Variants in SMG7 observed in about 807,000 individuals in gnomAD.
SMG7 encodes the protein nonsense-mediated mRNA decay factor SMG7.
A neutral mutation model predicts 148.2 loss-of-function variants in SMG7; 34 were observed. The ratio of observed to expected loss-of-function variants is 0.23; its 90% confidence interval spans 0.17 to 0.31. The LOEUF is 0.31. SMG7 is among the 10% of genes least tolerant of loss of function. The pLI is 1.00. For missense variants in SMG7, 1,114 were observed against 1,408.4 expected (o/e 0.79, Z 3.35); for synonymous variants, 492 against 515.1 (o/e 0.96, Z 0.61).
chr1:183,496,985 C>A (rs898533105), intron 1 of SMG7, among the ~76,000 whole-genome samples: 1 of 152,160 alleles, frequency 6.6e-6, no homozygotes, highest in African/African-American at 2.4e-5. Context: ...AGACTTGTTA[C>A]TCTTAACACT....
chr1:183,488,089 T>C (rs1444565588), intron 1 of SMG7, among the ~76,000 whole-genome samples: 1 of 152,206 alleles, frequency 6.6e-6, no homozygotes, highest in Non-Finnish European at 1.5e-5. Flanking sequence ...TCTCTGAGAC[T>C]CTGATAGGAA....
intron 1 of SMG7, among the ~76,000 whole-genome samples, chr1:183,480,764 C>T (rs1191634824): frequency 1.3e-5 from 2 of 152,138 alleles, no homozygotes; most frequent in African/African-American, 2.4e-5. Context: ...TTTCATGATT[C>T]TAATTACATT....
At chr1:183,550,400 T>TA (rs1670795239) in intron 20 of SMG7, among the ~76,000 whole-genome samples, 1 of 152,240 alleles carries the variant, frequency 6.6e-6, no homozygotes, top group African/African-American at 2.4e-5. Flanking sequence ...ATTTTTAACT[T>TA]AGAGTCTGAC....
chr1:183,548,558 A>G (rs1007510473), intron 18 of SMG7, among the ~76,000 whole-genome samples: 3 of 152,054 alleles, frequency 2.0e-5, no homozygotes, highest in African/African-American at 4.8e-5. Flanking sequence ...AACCCTTCCA[A>G]TATTTAACAT....
At chr1:183,543,025 G>T (rs192408483) in intron 14 of SMG7, among the ~76,000 whole-genome samples, 1 of 149,768 alleles carries the variant, frequency 6.7e-6, no homozygotes, top group Admixed American at 6.7e-5. Context: ...TACTTGTCCC[G>T]GCTATTGGTA....
intron 14 of SMG7, among the ~76,000 whole-genome samples, chr1:183,542,952 T>C (rs1333485261): frequency 3.3e-4 from 50 of 150,656 alleles, no homozygotes; most frequent in Admixed American, 5.3e-4. Context: ...TGTGTGTGTG[T>C]GTGTGTGTGT....
intron 1 of SMG7, among the ~76,000 whole-genome samples, chr1:183,495,429 G>A (rs1220731964): frequency 6.6e-6 from 1 of 152,154 alleles, no homozygotes; most frequent in Non-Finnish European, 1.5e-5. Flanking sequence ...TTTACATTAT[G>A]TTGAGGAGGA....
At chr1:183,494,483 G>A (rs1571828786) in intron 1 of SMG7, among the ~76,000 whole-genome samples, 1 of 148,622 alleles carries the variant, frequency 6.7e-6, no homozygotes, top group Non-Finnish European at 1.5e-5. Context: ...TCATCTCTTT[G>A]TTTAGTTCAA....
intron 14 of SMG7, 72 bp from the exon 15 acceptor site, chr1:183,544,281 G>C: frequency 8.3e-7 from 1 of 1,203,728 alleles, no homozygotes; most frequent in Non-Finnish European, 1.2e-6. Context: ...TACTTTCTTA[G>C]GAGTAGGGTC....
At chr1:183,475,833 G>C (rs1170593276) in intron 1 of SMG7, among the ~76,000 whole-genome samples, 2 of 152,212 alleles carry the variant, frequency 1.3e-5, no homozygotes, top group Non-Finnish European at 2.9e-5. Context: ...CCTTAGATGT[G>C]GAATCAATGA....
At chr1:183,544,829 G>A in intron 15 of SMG7, 101 bp from the exon 16 acceptor site, 1 of 1,181,238 alleles carries the variant, frequency 8.5e-7, no homozygotes. Flanking sequence ...TTTGTGATGT[G>A]TTAGAAGACT....
At chr1:183,506,875 C>CTTTTT (rs71130622) in intron 1 of SMG7, among the ~76,000 whole-genome samples, 8 of 111,804 alleles carry the variant, frequency 7.2e-5, no homozygotes, top group East Asian at 2.6e-4. Flanking sequence ...ACTATATATT[C>CTTTTT]TTTTTTTTTT....
In SMG7 at chr1:183,550,743, T is replaced by C. The variant is rs200165396; in HGVS notation, c.3134-8T>C. The stretch of plus-strand genomic sequence containing the variant: ...TTTACTATATCCTGTGTTGCTATTA[T>C]TTAATAGATCATTCAACACCAGCCA... On this transcript the variant is annotated splice_region_variant and splice_polypyrimidine_tract_variant and intron_variant, in intron 20 of 22. Transcript: ENST00000688051. The C allele has an allele frequency of 5.4e-4, 869 of 1,613,714 alleles. No homozygotes were observed. Among genetic ancestry groups the C allele is most frequent in the Non-Finnish European group, 6.3e-4 (739 of 1,179,638 alleles).
chr1:183,484,205 A>G (rs1013804712), intron 1 of SMG7, among the ~76,000 whole-genome samples: 1 of 152,114 alleles, frequency 6.6e-6, no homozygotes, highest in African/African-American at 2.4e-5. Flanking sequence ...GCTCCTTTAT[A>G]TAAAATGGCA....
chr1:183,511,554 A>AGAT (rs1290637545), intron 1 of SMG7, among the ~76,000 whole-genome samples: 1 of 152,224 alleles, frequency 6.6e-6, no homozygotes, highest in Non-Finnish European at 1.5e-5. Context: ...ATGAGCCCGG[A>AGAT]GATCAAGGAG....
intron 1 of SMG7, among the ~76,000 whole-genome samples, chr1:183,476,275 C>A (rs146223593): frequency 6.6e-6 from 1 of 152,238 alleles, no homozygotes; most frequent in East Asian, 1.9e-4. Flanking sequence ...TTTTCGTGAC[C>A]TTGACTTGAA....
chr1:183,541,155 C>T, intron 13 of SMG7, 52 bp downstream of exon 13: 1 of 1,540,402 alleles, frequency 6.5e-7, no homozygotes, highest in Non-Finnish European at 8.9e-7. Context: ...TTTAGATAAA[C>T]ACATGCGCGC....
chr1:183,493,662 A>G (rs1249366628), intron 1 of SMG7, among the ~76,000 whole-genome samples: 2 of 151,462 alleles, frequency 1.3e-5, no homozygotes, highest in African/African-American at 4.9e-5. Flanking sequence ...GCTGATTGCA[A>G]CCTCTGCCGC....
intron 18 of SMG7, among the ~76,000 whole-genome samples, chr1:183,548,055 TTCTC>T (rs1429821058): frequency 6.6e-6 from 1 of 152,196 alleles, no homozygotes; most frequent in Admixed American, 6.5e-5. Flanking sequence ...TGCTGTTTCT[TTCTC>T]ATAAACACAG....
Sources: allele counts gnomAD v4.1 joint callset (sites outside exome capture counted in the v4.1 genomes callset), GRCh38; gene constraint gnomAD v4.1.1; transcripts MANE v1.5; gene names NCBI Gene and HGNC (gene_info 2026-07-23, HGNC 2026-07-21).